The following RABGAP1L variants were observed in gnomAD, a reference collection of about 807,000 sequenced individuals.
RABGAP1L encodes the protein rab GTPase-activating protein 1-like.
Under a neutral mutation model 137.7 loss-of-function variants are expected in RABGAP1L, and 63 were observed. The ratio of observed to expected loss-of-function variants is 0.46; its 90% CI spans 0.37 to 0.56. The LOEUF (loss-of-function observed/expected upper bound fraction) is 0.56. RABGAP1L is among the 20% of genes least tolerant of loss of function. The probability of loss-of-function intolerance (pLI) is 0.00; values close to 1 mark genes in which losing one functional copy is unlikely to be tolerated. For synonymous variants in RABGAP1L, 431 were observed against 433.7 expected (o/e 0.99, Z 0.08); for missense variants, 1,095 against 1,244.0 (o/e 0.88, Z 1.80).
intron 1 of RABGAP1L, among the ~76,000 whole-genome samples, chr1:174,164,917 GC>G (rs1251896960): frequency 6.6e-6 from 1 of 152,134 alleles, no homozygotes; most frequent in Non-Finnish European, 1.5e-5. Context: ...CAAAGCCAGG[GC>G]TCTGGACTCA....
intron 11 of RABGAP1L, among the ~76,000 whole-genome samples, chr1:174,339,743 A>T (rs961005108): frequency 6.6e-6 from 1 of 151,806 alleles, no homozygotes; most frequent in African/African-American, 2.4e-5. Flanking sequence ...AGTAGTTGGG[A>T]TTACAGACGT....
chr1:174,912,972 T>A (rs1186566951), intron 19 of RABGAP1L, among the ~76,000 whole-genome samples: 1 of 152,064 alleles, frequency 6.6e-6, no homozygotes, highest in Non-Finnish European at 1.5e-5. Flanking sequence ...ACATGCTTAT[T>A]TCTTTAGCTT....
intron 14 of RABGAP1L, among the ~76,000 whole-genome samples, chr1:174,663,766 GC>G (rs1676561452): frequency 6.6e-6 from 1 of 152,108 alleles, no homozygotes; most frequent in Admixed American, 6.6e-5. Flanking sequence ...GTCACCTGAT[GC>G]ACACATTTCA....
chr1:174,527,901 C>CTTTTTTTTTTTTTT (rs57707616), intron 13 of RABGAP1L, among the ~76,000 whole-genome samples: 5 of 124,820 alleles, frequency 4.0e-5, no homozygotes, highest in African/African-American at 1.6e-4. Flanking sequence ...ATATACTTGT[C>CTTTTTTTTTTTTTT]TTTTTTTTTT....
intron 5 of RABGAP1L, 65 bp from the exon 6 acceptor site, chr1:174,250,410 A>G: frequency 1.6e-6 from 2 of 1,256,070 alleles, no homozygotes; most frequent in East Asian, 4.8e-5. Flanking sequence ...AAGAGTTAGG[A>G]GAGAAGGATA....
At chr1:174,843,032 T>C (rs1359523075) in intron 19 of RABGAP1L, among the ~76,000 whole-genome samples, 2 of 152,144 alleles carry the variant, frequency 1.3e-5, no homozygotes, top group African/African-American at 4.8e-5. Flanking sequence ...TTTTTATAAC[T>C]GTAAAAACAA....
chr1:174,904,978 C>G (rs1396975359), intron 19 of RABGAP1L, among the ~76,000 whole-genome samples: 1 of 152,086 alleles, frequency 6.6e-6, no homozygotes, highest in African/African-American at 2.4e-5. Flanking sequence ...ACAGGAACCT[C>G]TAGCCAGCCT....
At chr1:174,892,465 T>C in intron 19 of RABGAP1L, 1 of 451,780 alleles carries the variant, frequency 2.2e-6, no homozygotes, top group Non-Finnish European at 4.3e-6. Flanking sequence ...TGTGCCAGCT[T>C]TTTCACCTTC....
At chr1:174,251,009 C>G (rs1031452758) in intron 6 of RABGAP1L, among the ~76,000 whole-genome samples, 1 of 152,248 alleles carries the variant, frequency 6.6e-6, no homozygotes, top group Non-Finnish European at 1.5e-5. Context: ...CCCCGTTGGC[C>G]AGGCTTGTCT....
intron 18 of RABGAP1L, among the ~76,000 whole-genome samples, chr1:174,755,334 G>GT (rs369530043): frequency 9.9e-4 from 151 of 152,266 alleles, no homozygotes; most frequent in African/African-American, 3.3e-3. Flanking sequence ...TCCTCCAAAT[G>GT]TAATTTATTT....
intron 13 of RABGAP1L, among the ~76,000 whole-genome samples, chr1:174,480,036 T>C (rs999834505): frequency 6.6e-6 from 1 of 152,172 alleles, no homozygotes; most frequent in Non-Finnish European, 1.5e-5. Flanking sequence ...AGTGAGTTGT[T>C]TGTCATTTTC....
At chr1:174,246,587 A>G (rs907520706) in intron 5 of RABGAP1L, among the ~76,000 whole-genome samples, 4 of 152,248 alleles carry the variant, frequency 2.6e-5, no homozygotes, top group African/African-American at 9.6e-5. Flanking sequence ...TAAAAGATAC[A>G]GTATAAAAAC....
chr1:174,988,244 C>CT (rs1479824622), intron 24 of RABGAP1L, among the ~76,000 whole-genome samples: 1 of 152,152 alleles, frequency 6.6e-6, no homozygotes. Context: ...TCTTTAAACT[C>CT]TGAGTTTCTT....
chr1:174,663,399 G>A (rs1433414741), intron 14 of RABGAP1L, among the ~76,000 whole-genome samples: 2 of 152,116 alleles, frequency 1.3e-5, no homozygotes, highest in Non-Finnish European at 2.9e-5. Flanking sequence ...AGTATATACT[G>A]TAACATGCTG....
intron 13 of RABGAP1L, among the ~76,000 whole-genome samples, chr1:174,468,863 G>A (rs763174747): frequency 6.6e-6 from 1 of 152,100 alleles, no homozygotes; most frequent in Non-Finnish European, 1.5e-5. Context: ...TAAATATTTG[G>A]GGGCAGACTG....
intron 13 of RABGAP1L, among the ~76,000 whole-genome samples, chr1:174,629,014 T>C (rs1250280195): frequency 6.6e-6 from 1 of 152,192 alleles, no homozygotes; most frequent in Admixed American, 6.5e-5. Context: ...CTTTCTTCAT[T>C]ATATTTCTTG....
chr1:174,661,548 TGTG>T (rs1676368620), intron 14 of RABGAP1L, among the ~76,000 whole-genome samples: 1 of 152,224 alleles, frequency 6.6e-6, no homozygotes, highest in South Asian at 2.1e-4. Context: ...TTCCAATGCT[TGTG>T]GGCCTTCCTA....
chr1:174,856,427 A>C (rs1489893243), intron 19 of RABGAP1L, among the ~76,000 whole-genome samples: 2 of 151,708 alleles, frequency 1.3e-5, no homozygotes, highest in Non-Finnish European at 1.5e-5. Context: ...AAGAAAAGAA[A>C]GTAAGACAAC....
intron 11 of RABGAP1L, among the ~76,000 whole-genome samples, chr1:174,366,398 T>C (rs1299419386): frequency 6.6e-6 from 1 of 152,208 alleles, no homozygotes; most frequent in Non-Finnish European, 1.5e-5. Flanking sequence ...GGGACAACTT[T>C]GTAAATATGC....
Sources: gnomAD v4.1 joint callset for allele counts (sites outside exome capture counted in the v4.1 genomes callset) on GRCh38, gnomAD v4.1.1 for gene constraint, MANE v1.5 for transcripts, NCBI Gene and HGNC (gene_info 2026-07-23, HGNC 2026-07-21) for gene names.